SBNO1: variants seen among roughly 807,000 people sequenced by gnomAD.
The protein encoded by SBNO1 is strawberry notch homolog 1, also known as protein strawberry notch homolog 1.
SBNO1 carries 23 observed loss-of-function variants against 173.6 expected under a neutral mutation model. The ratio of observed to expected loss-of-function variants is 0.13; its 90% CI spans 0.10 to 0.19. The LOEUF (loss-of-function observed/expected upper bound fraction) is 0.19, where lower values mean the gene tolerates loss of function less well. Among genes scored for constraint, SBNO1 ranks in the 10% least tolerant of loss-of-function variants. The pLI, the probability that SBNO1 is intolerant of heterozygous loss-of-function variation, is 1.00. For missense variants in SBNO1, 1,238 were observed against 1,671.2 expected, an observed-to-expected ratio of 0.74 and a Z score of 4.52; for synonymous variants, 632 against 571.5, an observed-to-expected ratio of 1.11 and a Z score of -1.51.
At chr12:123,352,900 A>C (rs1874050222) in intron 1 of SBNO1, among the ~76,000 whole-genome samples, 3 of 152,042 alleles carry the variant, frequency 2.0e-5, no homozygotes, top group Non-Finnish European at 4.4e-5. Flanking sequence ...CAGGTTCAAG[A>C]AATTCTCCTG....
At chr12:123,314,537 C>T (rs1869036346) in intron 23 of SBNO1, among the ~76,000 whole-genome samples, 1 of 151,910 alleles carries the variant, frequency 6.6e-6, no homozygotes, top group South Asian at 2.1e-4. Flanking sequence ...ACCATGTTGG[C>T]CAGGATGGTC....
At chr12:123,318,147 T>C (rs1273739012) in intron 20 of SBNO1, among the ~76,000 whole-genome samples, 1 of 152,070 alleles carries the variant, frequency 6.6e-6, no homozygotes, top group East Asian at 1.9e-4. Context: ...CAGGGCAGGG[T>C]CCCATTATGT....
chr12:123,341,178 G>A (rs555021138), intron 4 of SBNO1, 90 bp from the exon 5 acceptor site: 13 of 720,028 alleles, frequency 1.8e-5, no homozygotes, highest in Middle Eastern at 4.0e-4. Context: ...AGGCTGCTGC[G>A]GTGGCTCACA....
At chr12:123,305,752 C>A (rs1438509396) in intron 28 of SBNO1, among the ~76,000 whole-genome samples, 1 of 151,986 alleles carries the variant, frequency 6.6e-6, no homozygotes, top group Non-Finnish European at 1.5e-5. Flanking sequence ...GGATTACAGA[C>A]GTGAGCCACC....
intron 1 of SBNO1, among the ~76,000 whole-genome samples, chr12:123,362,415 C>G (rs1345849569): frequency 2.0e-5 from 2 of 101,490 alleles, no homozygotes; most frequent in Admixed American, 1.5e-4. Flanking sequence ...CAGCCTGGGC[C>G]ACTGAGCGAG....
intron 1 of SBNO1, among the ~76,000 whole-genome samples, chr12:123,360,593 G>T: frequency 6.6e-6 from 1 of 151,810 alleles, no homozygotes; most frequent in East Asian, 2.0e-4. Context: ...TATAGGTGCG[G>T]ATCACCACGC....
Position 123,321,646 on chromosome 12 carries a change from C to T in SBNO1, c.2212G>A (p.Asp738Asn). Residue 738 changes from aspartate to asparagine, a missense_variant, in exon 17 of 32, where the codon GAT becomes AAT. By Grantham distance (23) the Asp-to-Asn change is conservative (BLOSUM62 1). Coordinates refer to ENST00000602398, the MANE Select transcript of SBNO1 (RefSeq NM_001167856.3). The stretch of plus-strand genomic sequence containing the variant: ...TCACTTTCTTCATTATCAGAGGCAT[C>T]AGATTCACTTCCACTGTCGTCAGAA... Reference protein sequence around the residue: ...SSSDDSGSESDASDNEESDYE... With the variant: ...SSSDDSGSESNASDNEESDYE... 9 of 1,614,008 alleles carry T rather than the reference C, an allele frequency of 5.6e-6. No homozygotes were observed. Among genetic ancestry groups the T allele is most frequent in the Non-Finnish European group, 7.6e-6 (9 of 1,179,922 alleles).
chr12:123,334,002 T>C, intron 7 of SBNO1, 51 bp downstream of exon 7: 1 of 1,222,122 alleles, frequency 8.2e-7, no homozygotes, highest in Non-Finnish European at 1.1e-6. Context: ...ACAACTCTGT[T>C]ATATAGAATA....
At chr12:123,322,043 A>T (rs1052054466) in intron 16 of SBNO1, among the ~76,000 whole-genome samples, 1 of 152,246 alleles carries the variant, frequency 6.6e-6, no homozygotes, top group Non-Finnish European at 1.5e-5. Context: ...GCATAGTCAC[A>T]ATTTGACTGT....
At position 123,326,456 on chromosome 12, in the gene SBNO1, T is replaced by C. The variant is rs537975187; in HGVS notation, c.1693-122A>G. The C allele has an allele frequency of 7.4e-6, 4 of 537,368 alleles. 1 individual carries two copies. The South Asian group carries it at 2.3e-4, about 31-fold the overall frequency. 33.3% of individuals were successfully genotyped at this position (537,368 alleles called of 1,614,324 possible). ...TTAATATTAATTTAATAAATCATCT[T>C]TAGTAACTTGGGAATCTATTTCTCA... On this transcript the variant is annotated intron_variant, in intron 13 of 31. Coordinates refer to ENST00000602398, the MANE Select transcript of SBNO1 (RefSeq NM_001167856.3).
chr12:123,340,572 ACT>A (rs1326045991), intron 5 of SBNO1, among the ~76,000 whole-genome samples: 1 of 117,456 alleles, frequency 8.5e-6, no homozygotes, highest in East Asian at 2.2e-4. Flanking sequence ...TAAGAGTAAG[ACT>A]CTGTCTCAAA....
intron 1 of SBNO1, 107 bp from the exon 2 acceptor site, chr12:123,350,548 A>G: frequency 1.1e-6 from 1 of 883,806 alleles, no homozygotes; most frequent in Non-Finnish European, 1.8e-6. Flanking sequence ...CCATTCATTC[A>G]GTATTAATGA....
At position 123,328,740 on chromosome 12, in the gene SBNO1, A is replaced by G. The variant is rs765333262; in HGVS notation, c.1290T>C (p.Asp430=). 4 of 1,554,628 alleles carry G rather than the reference A, an allele frequency of 2.6e-6. No individual in the cohort carries two copies. The South Asian group carries it at 4.9e-5, about 19-fold the overall frequency. ...TATTTGCCATAAAGGATACCACTCC[A>G]TCGAAGTCATCACCGCACCAATGCA... is the stretch of plus-strand genomic sequence containing the variant. The part of the protein sequence containing the change: ...QLLHWCGDDF[D]GVIVFDECHK... The change falls in exon 10 of 32, where the codon GAT becomes GAC. Residue 430 remains aspartate, a synonymous_variant. Transcript: ENST00000602398.
At chr12:123,315,506 T>G in intron 22 of SBNO1, 42 bp downstream of exon 22, 1 of 1,585,162 alleles carries the variant, frequency 6.3e-7, no homozygotes, top group Non-Finnish European at 8.7e-7. Flanking sequence ...ACAGGTACAA[T>G]AGATCATCAT....
intron 31 of SBNO1, among the ~76,000 whole-genome samples, chr12:123,297,588 G>A (rs1327707575): frequency 1.3e-5 from 2 of 151,798 alleles, no homozygotes; most frequent in Non-Finnish European, 2.9e-5. Context: ...GTCTACCCTT[G>A]CTCCCTGCAG....
chr12:123,326,191 C>A lies in SBNO1; in HGVS notation c.1836G>T (p.Arg612Ser). The A allele has an allele frequency of 6.2e-7, 1 of 1,611,854 alleles. No homozygotes were observed. The highest frequency in any genetic ancestry group is 8.5e-7 in the Non-Finnish European group (1 of 1,178,674). ...TTTCCTCTCGAGCTAGTTGCACAAC[C>A]CTTTTAACTTTGGATGCTATGCATA... ...KYLCIASKVK[R>S]VVQLAREEIK... The change falls in exon 14 of 32, where the codon AGG becomes AGT. Residue 612 changes from arginine (R) to serine (S), a missense_variant. This residue lies in a region of SBNO1 where 182 missense variants were observed against 339.9 expected (regional missense o/e 0.54). Transcript: ENST00000602398.
intron 30 of SBNO1, among the ~76,000 whole-genome samples, chr12:123,301,588 C>T (rs1285411773): frequency 2.0e-5 from 3 of 152,066 alleles, no homozygotes; most frequent in South Asian, 2.1e-4. Flanking sequence ...TAAGAGTATA[C>T]GAGGTCACAA....
chr12:123,349,638 C>T (rs765507893), intron 2 of SBNO1, among the ~76,000 whole-genome samples: 3 of 149,574 alleles, frequency 2.0e-5, no homozygotes, highest in Non-Finnish European at 4.4e-5. Flanking sequence ...AACATTTGGC[C>T]GGGCACAGTG....
intron 9 of SBNO1, 133 bp downstream of exon 9, chr12:123,330,282 GCACT>G (rs1871066114): frequency 6.3e-6 from 4 of 633,956 alleles, no homozygotes; most frequent in Admixed American, 6.0e-5. Flanking sequence ...ATAGTGGCTA[GCACT>G]CACTATGCTT....
Sources: allele counts gnomAD v4.1 joint callset (sites outside exome capture counted in the v4.1 genomes callset), GRCh38; gene constraint gnomAD v4.1.1; regional missense constraint gnomAD v4.1.1; transcripts MANE v1.5; gene names NCBI Gene and HGNC (gene_info 2026-07-23, HGNC 2026-07-21).